PDP1: variants seen among roughly 807,000 people sequenced by gnomAD.
PDP1 encodes the protein pyruvate dehyrogenase phosphatase catalytic subunit 1.
Under a neutral mutation model 37.1 loss-of-function variants are expected in PDP1, and 14 were observed. The ratio of observed to expected loss-of-function variants is 0.38; its 90% confidence interval spans 0.25 to 0.59. The LOEUF is 0.59. Ranked by LOEUF, PDP1 falls within the 20% of genes least tolerant of loss-of-function variation. The probability of loss-of-function intolerance (pLI) is 0.67; values close to 1 mark genes in which losing one functional copy is unlikely to be tolerated. For synonymous variants in PDP1, 251 were observed against 243.3 expected (o/e 1.03, Z -0.29); for missense variants, 544 against 655.3 (o/e 0.83, Z 1.85).
intron 1 of PDP1, chr8:93,920,793 GAC>G (rs1447217079): frequency 2.8e-6 from 2 of 712,584 alleles, no homozygotes; most frequent in Non-Finnish European, 3.4e-6. Context: ...ATTTACAATT[GAC>G]ACATAATATT....
chr8:93,922,674 CA>C lies in PDP1; in HGVS notation c.618del (p.Lys206AsnfsTer7). On this transcript the variant is annotated frameshift_variant, in exon 2 of 2. Coordinates refer to ENST00000297598, the MANE Select transcript of PDP1 (RefSeq NM_018444.4). LOFTEE classifies it high-confidence loss of function. This position sits in a 1 kb window ranked among gnomAD's most constrained non-coding sequence, Gnocchi z 4.0. ...PNDYFSKEASKLYFNSLRTYW... is the reference protein window; with the variant it reads ...PNDYFSKEASXLYFNSLRTYW... The stretch of plus-strand genomic sequence containing the variant: ...ATGATTACTTTAGTAAGGAGGCATC[CA>C]AATTGTACTTTAACAGCTTGAGGAC... The C allele has an allele frequency of 6.2e-7, 1 of 1,614,148 alleles. No individual in the cohort carries two copies. The highest frequency in any genetic ancestry group is 8.5e-7 in the Non-Finnish European group (1 of 1,180,034).
At chr8:93,917,107 G>A (rs780286356) in intron 1 of PDP1, 28 bp downstream of exon 1, 17 of 461,450 alleles carry the variant, frequency 3.7e-5, no homozygotes, top group Non-Finnish European at 6.0e-5. Context: ...CCTGCCACGA[G>A]CCGCCCCGTC....
chr8:93,917,194 G>A (rs1476650118), intron 1 of PDP1, 115 bp downstream of exon 1: 3 of 351,004 alleles, frequency 8.5e-6, no homozygotes, highest in Non-Finnish European at 1.6e-5. Flanking sequence ...GCGTGCGGAG[G>A]GCTGGACGAG....
At chr8:93,917,658 C>T in intron 1 of PDP1, 1 of 704,952 alleles carries the variant, frequency 1.4e-6, no homozygotes, top group South Asian at 1.9e-5. Context: ...GCTTTGCCTC[C>T]CCGGCGGGGT....
At chr8:93,917,512 C>T (rs948424808) in intron 1 of PDP1, among the ~76,000 whole-genome samples, 1 of 151,442 alleles carries the variant, frequency 6.6e-6, no homozygotes, top group African/African-American at 2.4e-5. Context: ...ACCCCTGGGG[C>T]GGGGCCGGGC....
intron 1 of PDP1, chr8:93,917,732 C>T (rs191056577): frequency 1.1e-5 from 14 of 1,332,466 alleles, no homozygotes; most frequent in Non-Finnish European, 1.0e-5. Context: ...CCTCTTCCCC[C>T]CCACCTCCCA....
chr8:93,917,725 C>A, intron 1 of PDP1: 1 of 1,248,046 alleles, frequency 8.0e-7, no homozygotes, highest in Non-Finnish European at 1.1e-6. Context: ...CCTCCATCCT[C>A]TTCCCCCCCA....
chr8:93,922,338 A>G lies in PDP1; in HGVS notation c.279A>G (p.Glu93=). The part of the protein sequence containing the change: ...PQVNSILKAN[E]YSFKVPEFDG... ...TCAATAGCATCCTTAAAGCTAATGA[A>G]TACAGTTTCAAAGTGCCAGAATTTG... The change falls in exon 2 of 2, where the codon GAA becomes GAG. Residue 93 remains glutamate (E), a synonymous_variant. Coordinates refer to ENST00000297598, the MANE Select transcript of PDP1 (RefSeq NM_018444.4). The surrounding 1 kb of genome is among the most constrained non-coding windows in gnomAD (Gnocchi z 4.0). The G allele has an allele frequency of 1.9e-6, 3 of 1,614,220 alleles. No homozygotes were observed. Among genetic ancestry groups the G allele is most frequent in the Non-Finnish European group, 2.5e-6 (3 of 1,180,018 alleles).
chr8:93,917,728 C>T (rs1202049246), intron 1 of PDP1: 11 of 1,170,842 alleles, frequency 9.4e-6, no homozygotes, highest in South Asian at 4.2e-5. Context: ...CCATCCTCTT[C>T]CCCCCCACCT....
At chr8:93,920,347 T>C (rs1810231228) in intron 1 of PDP1, among the ~76,000 whole-genome samples, 1 of 152,244 alleles carries the variant, frequency 6.6e-6, no homozygotes. Context: ...GATATTTGTT[T>C]AGCCGTGGGA....
At position 93,923,688 on chromosome 8, in the gene PDP1, A is replaced by G. The variant is rs1563518294; in HGVS notation, c.*15A>G. Reference sequence around the variant, plus strand: ...ACCAAGAATAGTGAGTGGCTCTTTCACTGGCAATTCTCAAATGATATACAT... The same window carrying G: ...ACCAAGAATAGTGAGTGGCTCTTTCGCTGGCAATTCTCAAATGATATACAT... On this transcript the variant is annotated 3_prime_UTR_variant, in exon 2 of 2. Transcript: ENST00000297598. This position sits in a 1 kb window ranked among gnomAD's most constrained non-coding sequence, Gnocchi z 4.3. 2 of 1,587,484 alleles carry G rather than the reference A, an allele frequency of 1.3e-6. No individual in the cohort carries two copies. Among genetic ancestry groups the G allele is most frequent in the East Asian group, 4.5e-5 (2 of 44,748 alleles).
Position 93,924,773 on chromosome 8 carries a change from G to A in PDP1, c.*1100G>A, listed in dbSNP as rs540442395. 7.8e-5 allele frequency: 13 copies of A among 167,134 alleles called. No homozygotes were observed. Among genetic ancestry groups the A allele is most frequent in the African/African-American group, 3.1e-4 (13 of 41,554 alleles). The allele number at this position is 167,134 out of a possible 1,614,324, so 10.4% of individuals were successfully genotyped here. On this transcript the variant is annotated 3_prime_UTR_variant, in exon 2 of 2. Transcript: ENST00000297598. ...AATGACTAAATGCTTTAAACATATT[G>A]TAGCTTAAGATATATGTGTTAAGAT...
chr8:93,917,618 C>T (rs1483756993), intron 1 of PDP1: 2 of 510,314 alleles, frequency 3.9e-6, no homozygotes, highest in East Asian at 7.1e-5. Context: ...CACCCCTGCT[C>T]GCGCCTGGGC....
chr8:93,917,831 C>A (rs1351153914), intron 1 of PDP1: 2 of 1,609,992 alleles, frequency 1.2e-6, no homozygotes, highest in Non-Finnish European at 1.7e-6. Context: ...CTCTGCCTTG[C>A]TTTCAATGGG....
intron 1 of PDP1, among the ~76,000 whole-genome samples, chr8:93,919,414 G>A (rs990567000): frequency 1.3e-5 from 2 of 152,042 alleles, no homozygotes; most frequent in African/African-American, 4.8e-5. Flanking sequence ...CCAGGGAGGC[G>A]GAGGTTGCGA....
chr8:93,922,024 G>A lies in PDP1; in HGVS notation c.-36G>A. On this transcript the variant is annotated 5_prime_UTR_variant, in exon 2 of 2. Coordinates refer to ENST00000297598, the MANE Select transcript of PDP1 (RefSeq NM_018444.4). This position sits in a 1 kb window ranked among gnomAD's most constrained non-coding sequence, Gnocchi z 4.0. ...TCTAATTTGCTGTCTAGGAATCCCAGTCAGAAGTTCCAGCCTGCCACTGTT... is the reference window on the plus strand; with the variant it reads ...TCTAATTTGCTGTCTAGGAATCCCAATCAGAAGTTCCAGCCTGCCACTGTT... 1 of 1,587,330 alleles carries A rather than the reference G, an allele frequency of 6.3e-7. No homozygotes were observed. Among genetic ancestry groups the A allele is most frequent in the South Asian group, 1.1e-5 (1 of 87,294 alleles).
rs1402568352 is a variant in PDP1, at chr8:93,922,908, C to A, written c.849C>A (p.Asp283Glu). Residue 283 changes from aspartate to glutamate, a missense_variant, in exon 2 of 2, where the codon GAC (aspartate) becomes GAA (glutamate). Physicochemically the swap from Asp to Glu is conservative, Grantham distance 45 (BLOSUM62 2). This residue lies in a region of PDP1 where 342 missense variants were observed against 414.0 expected (regional missense o/e 0.83). Transcript: ENST00000297598. The surrounding 1 kb of genome is among the most constrained non-coding windows in gnomAD (Gnocchi z 4.0). Reference protein sequence around the residue: ...TACVAHVDGVDLHVANTGDSR... With the variant: ...TACVAHVDGVELHVANTGDSR... ...GTGTGGCCCATGTGGATGGTGTTGA[C>A]CTTCATGTGGCCAATACTGGCGATA... The A allele has an allele frequency of 1.9e-6, 3 of 1,614,128 alleles. No homozygotes were observed. Among genetic ancestry groups the A allele is most frequent in the Non-Finnish European group, 2.5e-6 (3 of 1,180,024 alleles).
intron 1 of PDP1, among the ~76,000 whole-genome samples, chr8:93,917,415 G>A (rs2130855323): frequency 6.6e-6 from 1 of 152,094 alleles, no homozygotes; most frequent in African/African-American, 2.4e-5. Flanking sequence ...CACTGCCTGA[G>A]GGTCTCCCTG....
rs529611195 is a variant in PDP1, at chr8:93,919,735, A to C, written c.-44-2281A>C. On this transcript the variant is annotated intron_variant, in intron 1 of 1. Coordinates refer to ENST00000297598, the MANE Select transcript of PDP1 (RefSeq NM_018444.4). The stretch of plus-strand genomic sequence containing the variant: ...AGCAAATGCAGTCATAAAATTATGA[A>C]GAAAAATTCATTAAGATTACATTAG... 1.1e-4 allele frequency: 17 copies of C among 152,266 alleles called. No homozygotes were observed. The South Asian group carries it at 3.3e-3, about 30-fold the overall frequency. 9.4% of individuals were successfully genotyped at this position (152,266 alleles called of 1,614,324 possible).
Sources: gnomAD v4.1 joint callset for allele counts (sites outside exome capture counted in the v4.1 genomes callset) on GRCh38, gnomAD v4.1.1 for gene constraint, gnomAD v4.1.1 regional missense constraint, Gnocchi (gnomAD v3.1) non-coding constraint, MANE v1.5 for transcripts, NCBI Gene and HGNC (gene_info 2026-07-23, HGNC 2026-07-21) for gene names.